Variants in HCK observed in about 807,000 individuals in gnomAD.
HCK encodes the protein tyrosine-protein kinase HCK.
In HCK, 40 loss-of-function variants were observed where a neutral mutation model predicts 70.4. That is an observed-to-expected ratio of 0.57 (90% CI 0.44 to 0.74). The LOEUF (loss-of-function observed/expected upper bound fraction) is 0.74, where lower values mean the gene tolerates loss of function less well. Among genes scored for constraint, HCK ranks in the 30% least tolerant of loss-of-function variants. The pLI, the probability that HCK is intolerant of heterozygous loss-of-function variation, is 0.00. For missense variants in HCK, 568 were observed against 697.2 expected, an observed-to-expected ratio of 0.81 and a Z score of 2.09; for synonymous variants, 245 against 263.2, an observed-to-expected ratio of 0.93 and a Z score of 0.67.
intron 10 of HCK, among the ~76,000 whole-genome samples, chr20:32,091,068 C>A (rs1318991714): frequency 1.3e-5 from 2 of 152,228 alleles, no homozygotes; most frequent in Non-Finnish European, 2.9e-5. Flanking sequence ...GATGACACAA[C>A]TTGCTTGACA....
At chr20:32,065,276 G>A (rs1184581193) in intron 1 of HCK, among the ~76,000 whole-genome samples, 1 of 152,134 alleles carries the variant, frequency 6.6e-6, no homozygotes, top group Non-Finnish European at 1.5e-5. Flanking sequence ...CAGATTCCAG[G>A]ACCTCACTCC....
At chr20:32,065,875 G>T (rs1454747864) in intron 1 of HCK, among the ~76,000 whole-genome samples, 1 of 152,164 alleles carries the variant, frequency 6.6e-6, no homozygotes, top group African/African-American at 2.4e-5. Context: ...TCTGAAGAGG[G>T]ACAGATGCTG....
chr20:32,071,628 T>C, intron 1 of HCK, 34 bp from the exon 2 acceptor site: 1 of 1,608,142 alleles, frequency 6.2e-7, no homozygotes, highest in Non-Finnish European at 8.5e-7. Context: ...AGGCTCTTGG[T>C]AACTGGGGCT....
chr20:32,087,679 T>C (rs915551540), intron 9 of HCK, among the ~76,000 whole-genome samples: 2 of 151,452 alleles, frequency 1.3e-5, no homozygotes, highest in Non-Finnish European at 2.9e-5. Context: ...TCTCACTCTG[T>C]TTCCCAGGCT....
chr20:32,059,304 C>T (rs1191679730), intron 1 of HCK, among the ~76,000 whole-genome samples: 1 of 151,476 alleles, frequency 6.6e-6, no homozygotes, highest in Non-Finnish European at 1.5e-5. Flanking sequence ...TCCCTCCCTC[C>T]CTCCTTTCTT....
At chr20:32,094,791 A>AAGACAGAGAAAG (rs1174680314) in intron 11 of HCK, among the ~76,000 whole-genome samples, 22 of 21,758 alleles carry the variant, frequency 1.0e-3, no homozygotes, top group African/African-American at 1.9e-3. Flanking sequence ...GAGAAAGAGA[A>AAGACAGAGAAAG]AGAAAGAAAG....
Position 32,101,789 on chromosome 20 carries a change from G to A in HCK, c.*270G>A. 3 of 367,012 alleles carry A rather than the reference G, an allele frequency of 8.2e-6. No homozygotes were observed. Among genetic ancestry groups the A allele is most frequent in the South Asian group, 6.9e-5 (1 of 14,570 alleles). 22.7% of individuals were successfully genotyped at this position (367,012 alleles called of 1,614,324 possible). A position where few individuals can be genotyped will look rare whatever the true frequency, so the allele number is the denominator to read the frequency against. On this transcript the variant is annotated 3_prime_UTR_variant, in exon 13 of 13. Transcript: ENST00000375852. ...TTTTAGTTACAGCTGTGATTTGGAA[G>A]GGAAACTTTCAAAATAGTGAAATGA...
In HCK at chr20:32,073,377, C is replaced by G. The variant is rs376386946; in HGVS notation, c.226+16C>G. On this transcript the variant is annotated intron_variant, in intron 3 of 12. Coordinates refer to ENST00000375852, the MANE Select transcript of HCK (RefSeq NM_002110.5). Reference sequence around the variant, plus strand: ...ATCAGGGAGGGTAAGTATCTACGAGCAGATGCAGTGGAGTCATGTGTCCTG... The same window carrying G: ...ATCAGGGAGGGTAAGTATCTACGAGGAGATGCAGTGGAGTCATGTGTCCTG... The G allele has an allele frequency of 6.2e-7, 1 of 1,608,122 alleles. No homozygotes were observed. The highest frequency in any genetic ancestry group is 1.3e-5 in the African/African-American group (1 of 74,642).
intron 1 of HCK, among the ~76,000 whole-genome samples, chr20:32,053,546 G>A (rs1191557494): frequency 6.9e-6 from 1 of 145,964 alleles, no homozygotes; most frequent in Admixed American, 7.2e-5. Flanking sequence ...GCTGAGGCAC[G>A]AGAATCACTT....
intron 11 of HCK, among the ~76,000 whole-genome samples, chr20:32,098,389 G>C (rs1415494830): frequency 6.6e-6 from 1 of 152,136 alleles, no homozygotes; most frequent in Non-Finnish European, 1.5e-5. Context: ...CCAGGGGCTT[G>C]AGAGGCTGAG....
chr20:32,067,720 A>C (rs1201505258), intron 1 of HCK, among the ~76,000 whole-genome samples: 1 of 152,026 alleles, frequency 6.6e-6, no homozygotes, highest in Non-Finnish European at 1.5e-5. Flanking sequence ...CCTGTGCTGC[A>C]GTGATGGGAG....
Position 32,061,141 on chromosome 20 carries a change from G to A in HCK, c.62+8655G>A, listed in dbSNP as rs527845905. On this transcript the variant is annotated intron_variant, in intron 1 of 12. Coordinates refer to ENST00000375852, the MANE Select transcript of HCK (RefSeq NM_002110.5). The stretch of plus-strand genomic sequence containing the variant: ...TAGGATTACAAGCATGCGCCACCAC[G>A]CCCAGCTAATTTTTGTATTTTTAGT... 4.5e-4 allele frequency among the ~76,000 whole-genome samples: 68 copies of A among 152,180 alleles called. 1 individual carries two copies. The South Asian group carries it at 0.012, about 26-fold the overall frequency.
intron 5 of HCK, among the ~76,000 whole-genome samples, chr20:32,076,799 T>C (rs1023992788): frequency 6.6e-6 from 1 of 151,830 alleles, no homozygotes; most frequent in Non-Finnish European, 1.5e-5. Flanking sequence ...TAAATACGCA[T>C]ATCTGGCCAG....
At chr20:32,073,049 G>A (rs528072073) in intron 2 of HCK, among the ~76,000 whole-genome samples, 1 of 151,578 alleles carries the variant, frequency 6.6e-6, no homozygotes, top group African/African-American at 2.4e-5. Context: ...TCGGTGAGCT[G>A]AGATCACGCC....
intron 1 of HCK, among the ~76,000 whole-genome samples, chr20:32,070,586 C>G (rs1366524388): frequency 6.6e-6 from 1 of 152,174 alleles, no homozygotes; most frequent in Non-Finnish European, 1.5e-5. Context: ...CTCTGACAGG[C>G]CTTCCCCAAA....
In HCK at chr20:32,054,274, A is replaced by G. The variant is rs917077847; in HGVS notation, c.62+1788A>G. 1.8e-5 allele frequency: 8 copies of G among 456,230 alleles called. No individual in the cohort carries two copies. The Admixed American group carries it at 1.9e-4, about 11-fold the overall frequency. The allele number at this position is 456,230 out of a possible 1,614,324, so 28.3% of individuals were successfully genotyped here. A position where few individuals can be genotyped will look rare whatever the true frequency, so the allele number is the denominator to read the frequency against. On this transcript the variant is annotated intron_variant, in intron 1 of 12. Transcript: ENST00000375852. Reference sequence around the variant, plus strand: ...GGATGTGCCTCTGAAAATGGATTGCATATAAATGTACGCATAAACAACACG... The same window carrying G: ...GGATGTGCCTCTGAAAATGGATTGCGTATAAATGTACGCATAAACAACACG...
intron 12 of HCK, among the ~76,000 whole-genome samples, chr20:32,100,088 TG>T (rs2046013487): frequency 2.6e-5 from 4 of 152,006 alleles, no homozygotes; most frequent in Admixed American, 2.6e-4. Flanking sequence ...TTAATTTTTT[TG>T]TAGAGACTTG....
At chr20:32,078,856 CAAAAAAA>C (rs368194350) in intron 5 of HCK, among the ~76,000 whole-genome samples, 1 of 36,232 alleles carries the variant, frequency 2.8e-5, no homozygotes, top group African/African-American at 1.5e-4. Flanking sequence ...GACTCAGTCT[CAAAAAAA>C]AAAAAAAAAA....
chr20:32,058,230 CAA>C (rs3833316), intron 1 of HCK, among the ~76,000 whole-genome samples: 1 of 150,738 alleles, frequency 6.6e-6, no homozygotes. Flanking sequence ...TTCCCAAATC[CAA>C]AAAAAAAATG....
Sources: allele counts gnomAD v4.1 joint callset (sites outside exome capture counted in the v4.1 genomes callset), GRCh38; gene constraint gnomAD v4.1.1; transcripts MANE v1.5; gene names NCBI Gene and HGNC (gene_info 2026-07-23, HGNC 2026-07-21).